ADAMTS14: variants seen among roughly 807,000 people sequenced by gnomAD.
ADAMTS14 encodes A disintegrin and metalloproteinase with thrombospondin motifs 14.
Under a neutral mutation model 128.6 loss-of-function variants are expected in ADAMTS14, and 100 were observed. The observed-to-expected ratio is 0.78, with a 90% CI of 0.66 to 0.92. The LOEUF is 0.92. Among genes scored for constraint, ADAMTS14 ranks in the 40% least tolerant of loss-of-function variants. The pLI is 0.00. For synonymous variants in ADAMTS14, 665 were observed against 653.8 expected, an observed-to-expected ratio of 1.02 and a Z score of -0.26; for missense variants, 1,562 against 1,658.6, an observed-to-expected ratio of 0.94 and a Z score of 1.01.
At position 70,708,740 on chromosome 10, in the gene ADAMTS14, G is replaced by A; in HGVS notation, c.832G>A (p.Glu278Lys). 1 of 1,595,268 alleles carries A rather than the reference G, an allele frequency of 6.3e-7. No individual in the cohort carries two copies. Among genetic ancestry groups the A allele is most frequent in the South Asian group, 1.1e-5 (1 of 90,786 alleles). ...CTCGGTGGTTCGCTTCCATGGCAAG[G>A]AGCATGTGCAGAACTATGTCCTCAC... is the stretch of plus-strand genomic sequence containing the variant. ...DDSVVRFHGK[E>K]HVQNYVLTLM... The change falls in exon 4 of 22, where the codon GAG becomes AAG. Residue 278 changes from glutamate (E) to lysine (K), a missense_variant. Transcript: ENST00000373207.
chr10:70,709,120 G>T (rs1450525421), intron 4 of ADAMTS14, among the ~76,000 whole-genome samples: 3 of 152,216 alleles, frequency 2.0e-5, no homozygotes, highest in African/African-American at 7.2e-5. Flanking sequence ...GTCAGGCGTG[G>T]CCTGGAGCCT....
In ADAMTS14 at chr10:70,672,883, A is replaced by G. The variant is rs1416030861; in HGVS notation, c.81A>G (p.Pro27=). Residue 27 remains proline (P), a splice_region_variant and synonymous_variant, in exon 1 of 22, where the codon CCA becomes CCG. Coordinates refer to ENST00000373207, the MANE Select transcript of ADAMTS14 (RefSeq NM_080722.4). ...ALCAAAGSRT[P]ELHLSGKLSD... is the part of the protein sequence containing the mutation. ...GCGCCGCCGCGGGCAGCCGGACCCC[A>G]GGTGCGTGCGGGTTGGGCGCGCGGG... 6.7e-7 allele frequency: 1 copy of G among 1,487,612 alleles called. No homozygotes were observed. The allele number at this position is 1,487,612 out of a possible 1,614,324, so 92.2% of individuals were successfully genotyped here.
intron 2 of ADAMTS14, among the ~76,000 whole-genome samples, chr10:70,685,186 C>G (rs888551803): frequency 6.6e-6 from 1 of 152,170 alleles, no homozygotes; most frequent in African/African-American, 2.4e-5. Flanking sequence ...CAGGGTGGTA[C>G]AGGCCCAGGG....
intron 6 of ADAMTS14, among the ~76,000 whole-genome samples, chr10:70,730,794 G>A (rs1478318170): frequency 2.6e-5 from 4 of 152,112 alleles, no homozygotes; most frequent in African/African-American, 4.8e-5. Flanking sequence ...TGCATGACAT[G>A]TTTGTGACAG....
rs1363106951 is a variant in ADAMTS14 at position 70,732,250 on chromosome 10, G to T, written c.1103-4G>T. 1.2e-6 allele frequency: 2 copies of T among 1,613,472 alleles called. No homozygotes were observed. The highest frequency in any genetic ancestry group is 1.7e-6 in the Non-Finnish European group (2 of 1,179,540). ...TCTCCACCTTTTCTTTCTCTCTTCG[G>T]CAGGGTATGCACCCGTCACTGGCAT... On this transcript the variant is annotated splice_polypyrimidine_tract_variant and splice_region_variant and intron_variant, in intron 6 of 21. Coordinates refer to ENST00000373207, the MANE Select transcript of ADAMTS14 (RefSeq NM_080722.4).
intron 21 of ADAMTS14, among the ~76,000 whole-genome samples, chr10:70,759,378 A>G (rs1842555846): frequency 6.6e-6 from 1 of 151,912 alleles, no homozygotes; most frequent in African/African-American, 2.4e-5. Flanking sequence ...TCTCTGGCAA[A>G]AATTAGTAGA....
intron 4 of ADAMTS14, among the ~76,000 whole-genome samples, chr10:70,724,361 G>A (rs973802964): frequency 6.6e-6 from 1 of 152,204 alleles, no homozygotes; most frequent in African/African-American, 2.4e-5. Flanking sequence ...CTGTGGGTGT[G>A]CCTCGTAGCC....
intron 2 of ADAMTS14, among the ~76,000 whole-genome samples, chr10:70,685,227 A>G (rs756413437): frequency 6.6e-6 from 1 of 152,148 alleles, no homozygotes; most frequent in Non-Finnish European, 1.5e-5. Context: ...AGGAGATTCC[A>G]CATTCCCAGG....
At chr10:70,707,653 A>G (rs1044543715) in intron 3 of ADAMTS14, among the ~76,000 whole-genome samples, 1 of 152,244 alleles carries the variant, frequency 6.6e-6, no homozygotes. Flanking sequence ...TTTGATTCAG[A>G]CAGACCCACA....
At chr10:70,754,098 C>A in intron 19 of ADAMTS14, 91 bp downstream of exon 19, 1 of 1,206,292 alleles carries the variant, frequency 8.3e-7, no homozygotes, top group Non-Finnish European at 1.1e-6. Context: ...AGAGTTTCTG[C>A]CTGAATGGCT....
intron 2 of ADAMTS14, among the ~76,000 whole-genome samples, chr10:70,680,457 C>A (rs1026496765): frequency 2.0e-5 from 3 of 152,144 alleles, no homozygotes; most frequent in Non-Finnish European, 4.4e-5. Flanking sequence ...AAGCACCTGG[C>A]CTATGGAAGG....
rs145552242 is a variant in ADAMTS14, at chr10:70,708,778, C to A, written c.870C>A (p.Ile290=). 1.1e-4 allele frequency: 145 copies of A among 1,319,128 alleles called. No homozygotes were observed. The South Asian group carries it at 1.6e-3, about 15-fold the overall frequency. 81.7% of individuals were successfully genotyped at this position (1,319,128 alleles called of 1,614,324 possible). Residue 290 remains isoleucine, a splice_region_variant and synonymous_variant, in exon 4 of 22, where the codon ATC becomes ATA. Coordinates refer to ENST00000373207, the MANE Select transcript of ADAMTS14 (RefSeq NM_080722.4). The part of the protein sequence containing the change: ...VQNYVLTLMN[I]VDEIYHDESL... ...ACTATGTCCTCACCCTCATGAATAT[C>A]GTGAGTGTCCATGTGTCCTAGGACT... is the stretch of plus-strand genomic sequence containing the variant.
At chr10:70,687,956 G>A (rs1324905870) in intron 2 of ADAMTS14, among the ~76,000 whole-genome samples, 1 of 68,460 alleles carries the variant, frequency 1.5e-5, no homozygotes, top group African/African-American at 6.0e-5. Flanking sequence ...CTGGCCGGGC[G>A]GGGGGCTGAC....
chr10:70,745,122 T>A (rs1842135896), intron 14 of ADAMTS14, 104 bp from the exon 15 acceptor site: 3 of 1,024,648 alleles, frequency 2.9e-6, no homozygotes, highest in South Asian at 3.0e-5. Flanking sequence ...GGTTCTGTGA[T>A]CAAATGAGAT....
At position 70,724,735 on chromosome 10, in the gene ADAMTS14, C is replaced by T. The variant is rs537968826; in HGVS notation, c.871-4559C>T. 7.9e-5 allele frequency among the ~76,000 whole-genome samples: 12 copies of T among 151,882 alleles called. No homozygotes were observed. In the South Asian group the frequency reaches 1.3e-3, roughly 16 times the overall value. ...GTGTGTGCAGATGAGCGTACCAGGG[C>T]GCCAGAGGACTGCAACAGGGGACTT... On this transcript the variant is annotated intron_variant, in intron 4 of 21. Coordinates refer to ENST00000373207, the MANE Select transcript of ADAMTS14 (RefSeq NM_080722.4).
intron 3 of ADAMTS14, 37 bp from the exon 4 acceptor site, chr10:70,708,551 T>C (rs774249484): frequency 6.4e-7 from 1 of 1,559,640 alleles, no homozygotes; most frequent in African/African-American, 1.4e-5. Context: ...GCCCCTCCTG[T>C]GGGTTGGACC....
In ADAMTS14 at chr10:70,732,257, A is replaced by T; in HGVS notation, c.1106A>T (p.Tyr369Phe). ...CTTTTCTTTCTCTCTTCGGCAGGGTATGCACCCGTCACTGGCATGTGTCAC... is the reference window on the plus strand; with the variant it reads ...CTTTTCTTTCTCTCTTCGGCAGGGTTTGCACCCGTCACTGGCATGTGTCAC... ...LTRQDFGPSG[Y>F]APVTGMCHPL... The change falls in exon 7 of 22, where the codon TAT becomes TTT. Residue 369 changes from tyrosine (Y) to phenylalanine (F), a missense_variant. Coordinates refer to ENST00000373207, the MANE Select transcript of ADAMTS14 (RefSeq NM_080722.4). 6.2e-7 allele frequency: 1 copy of T among 1,613,970 alleles called. No individual in the cohort carries two copies. Among genetic ancestry groups the T allele is most frequent in the Non-Finnish European group, 8.5e-7 (1 of 1,179,864 alleles).
chr10:70,687,938 T>C (rs1237558856), intron 2 of ADAMTS14, among the ~76,000 whole-genome samples: 1 of 60,310 alleles, frequency 1.7e-5, no homozygotes, highest in African/African-American at 6.3e-5. Flanking sequence ...CCCTCCCGGA[T>C]GGGGCGGCTG....
At chr10:70,713,558 G>C (rs1036917414) in intron 4 of ADAMTS14, among the ~76,000 whole-genome samples, 3 of 152,246 alleles carry the variant, frequency 2.0e-5, no homozygotes, top group Admixed American at 6.5e-5. Context: ...CAGCAGATGG[G>C]CTTTCTCCCA....
Sources: allele counts gnomAD v4.1 joint callset (sites outside exome capture counted in the v4.1 genomes callset), GRCh38; gene constraint gnomAD v4.1.1; transcripts MANE v1.5; gene names NCBI Gene and HGNC (gene_info 2026-07-23, HGNC 2026-07-21).